HMGXB3: variants seen among roughly 807,000 people sequenced by gnomAD.
HMGXB3 encodes the protein HMG-box containing 3, also known as HMG domain-containing protein 3.
HMGXB3 carries 45 observed loss-of-function variants against 121.5 expected under a neutral mutation model. The ratio of observed to expected loss-of-function variants is 0.37; its 90% CI spans 0.29 to 0.47. The LOEUF (loss-of-function observed/expected upper bound fraction) is 0.47, where lower values mean the gene tolerates loss of function less well. Ranked by LOEUF, HMGXB3 falls within the 20% of genes least tolerant of loss-of-function variation. The pLI is 0.99. For synonymous variants in HMGXB3, 590 were observed against 624.1 expected (o/e 0.95, Z 0.81); for missense variants, 1,376 against 1,602.2 (o/e 0.86, Z 2.41).
At chr5:150,046,945 T>TTGTG (rs1756770905) in intron 16 of HMGXB3, among the ~76,000 whole-genome samples, 1 of 151,096 alleles carries the variant, frequency 6.6e-6, no homozygotes. Flanking sequence ...GAGTGCAGTG[T>TTGTG]TGTGATCTGG....
chr5:150,043,963 C>T lies in HMGXB3; in HGVS notation c.2731-1503C>T, dbSNP rs115602184. The stretch of plus-strand genomic sequence containing the variant: ...TCTGGCCACAGCAAGTTTATGGTTT[C>T]CAAGAATAGACAGAGGCCCACCTCC... On this transcript the variant is annotated intron_variant, in intron 15 of 19. Coordinates refer to ENST00000502717, the MANE Select transcript of HMGXB3 (RefSeq NM_014983.3). Among the ~76,000 whole-genome samples, 278 of 152,288 alleles carry T rather than the reference C, an allele frequency of 1.8e-3. 1 individual carries two copies. Among genetic ancestry groups the T allele is most frequent in the African/African-American group, 6.4e-3 (267 of 41,554 alleles).
At position 150,041,803 on chromosome 5, in the gene HMGXB3, AG is replaced by A; in HGVS notation, c.2566del (p.Glu856SerfsTer2). On this transcript the variant is annotated frameshift_variant, in exon 15 of 20. Coordinates refer to ENST00000502717, the MANE Select transcript of HMGXB3 (RefSeq NM_014983.3). LOFTEE classifies it high-confidence loss of function. Reference sequence around the variant, plus strand: ...CTTTCAGAGAAGACTCTGACCTCGGAGGAGCTGAGCCAGCTGCAGGAGCTGC... The same window carrying A: ...CTTTCAGAGAAGACTCTGACCTCGGAGAGCTGAGCCAGCTGCAGGAGCTGC... ...QEQTEKTLTS[E>X]ELSQLQELLC... 6.4e-7 allele frequency: 1 copy of A among 1,551,360 alleles called. No homozygotes were observed. The highest frequency in any genetic ancestry group is 8.7e-7 in the Non-Finnish European group (1 of 1,146,802).
intron 5 of HMGXB3, among the ~76,000 whole-genome samples, chr5:150,015,882 C>T (rs188033910): frequency 4.6e-5 from 7 of 152,278 alleles, no homozygotes; most frequent in South Asian, 2.1e-4. Flanking sequence ...ACTTGTCTTA[C>T]GGCCCAGAAT....
intron 15 of HMGXB3, among the ~76,000 whole-genome samples, chr5:150,045,052 C>T (rs1430779935): frequency 6.6e-6 from 1 of 152,136 alleles, no homozygotes; most frequent in African/African-American, 2.4e-5. Flanking sequence ...TGGAACTAGA[C>T]CTGTGTTGAC....
rs1008487587 is a variant in HMGXB3, at chr5:150,040,713, C to G, written c.2414-35C>G. Reference sequence around the variant, plus strand: ...CTATTTTTTGCCATTGTGTATGATACATTAATTTCCTTGTTGCCTCTTCTT... The same window carrying G: ...CTATTTTTTGCCATTGTGTATGATAGATTAATTTCCTTGTTGCCTCTTCTT... On this transcript the variant is annotated intron_variant, in intron 13 of 19. Transcript: ENST00000502717. 3 of 1,545,714 alleles carry G rather than the reference C, an allele frequency of 1.9e-6. No individual in the cohort carries two copies. In the Admixed American group the frequency reaches 6.0e-5, roughly 31 times the overall value.
chr5:150,045,449 T>C lies in HMGXB3; in HGVS notation c.2731-17T>C, dbSNP rs1425921877. On this transcript the variant is annotated splice_polypyrimidine_tract_variant and intron_variant, in intron 15 of 19. Transcript: ENST00000502717. ...TGTGACTCCCACAGTTTGACCTTCTTTATCCTGACCTTCTAGTTCACCTGG... is the reference window on the plus strand; with the variant it reads ...TGTGACTCCCACAGTTTGACCTTCTCTATCCTGACCTTCTAGTTCACCTGG... 1.3e-6 allele frequency: 2 copies of C among 1,547,678 alleles called. No homozygotes were observed. Among genetic ancestry groups the C allele is most frequent in the African/African-American group, 1.4e-5 (1 of 72,952 alleles).
chr5:150,026,394 T>C (rs574343090), intron 7 of HMGXB3, among the ~76,000 whole-genome samples: 1 of 152,376 alleles, frequency 6.6e-6, no homozygotes, highest in Non-Finnish European at 1.5e-5. Context: ...GATTAGATGT[T>C]ACAGCTATAA....
intron 6 of HMGXB3, among the ~76,000 whole-genome samples, chr5:150,023,656 G>A (rs1424248965): frequency 6.6e-6 from 1 of 152,216 alleles, no homozygotes; most frequent in East Asian, 1.9e-4. Context: ...TTTTTAGTGA[G>A]TTTGAATATT....
At chr5:150,015,691 A>G (rs12153714) in intron 5 of HMGXB3, among the ~76,000 whole-genome samples, 83,061 of 152,132 alleles carry the variant, frequency 0.55, 25,549 homozygotes, top group Non-Finnish European at 0.69. Context: ...TTTCATTTTC[A>G]TTCAATTCAA....
chr5:150,024,749 A>G (rs2113741756), intron 7 of HMGXB3, 69 bp downstream of exon 7: 1 of 1,306,324 alleles, frequency 7.7e-7, no homozygotes, highest in East Asian at 2.5e-5. Flanking sequence ...TCATGTCTGT[A>G]CAGCATGCCT....
At chr5:150,030,648 C>A in intron 9 of HMGXB3, 93 bp from the exon 10 acceptor site, 1 of 938,878 alleles carries the variant, frequency 1.1e-6, no homozygotes, top group Non-Finnish European at 1.7e-6. Context: ...ACAAATTCCC[C>A]GGGAAAGCAT....
Position 150,024,365 on chromosome 5 carries a change from C to G in HMGXB3, c.1145C>G (p.Ser382Cys). 1 of 1,551,738 alleles carries G rather than the reference C, an allele frequency of 6.4e-7. No homozygotes were observed. The highest frequency in any genetic ancestry group is 1.2e-5 in the South Asian group (1 of 84,062). ...QQPVTTEQNS[S>C]KENASKLTLE... ...CCTGTCACCACTGAGCAAAATTCCT[C>G]TAAGGAAAATGCCTCCAAACTGACT... Residue 382 changes from serine to cysteine, a missense_variant, in exon 7 of 20, where the codon TCT becomes TGT. Ser to Cys is a moderately radical substitution (Grantham distance 112). Transcript: ENST00000502717.
At chr5:150,006,874 A>T (rs1755716221) in intron 3 of HMGXB3, among the ~76,000 whole-genome samples, 1 of 152,160 alleles carries the variant, frequency 6.6e-6, no homozygotes, top group African/African-American at 2.4e-5. Context: ...TGTTTTCTGC[A>T]GTGAGCCTTA....
At chr5:150,036,301 A>G (rs1214614882) in intron 11 of HMGXB3, among the ~76,000 whole-genome samples, 1 of 152,182 alleles carries the variant, frequency 6.6e-6, no homozygotes, top group African/African-American at 2.4e-5. Flanking sequence ...TATTTGCAGA[A>G]TACATACTGC....
Position 150,041,315 on chromosome 5 carries a change from T to C in HMGXB3, c.2545+436T>C, listed in dbSNP as rs374413049. On this transcript the variant is annotated intron_variant, in intron 14 of 19. Transcript: ENST00000502717. ...ATTTGTGCTTTTCCCATCCCATTCC[T>C]ATAGGCTCCAATCCCCCTCTACCTT... Among the ~76,000 whole-genome samples, 5 of 152,326 alleles carry C rather than the reference T, an allele frequency of 3.3e-5. No homozygotes were observed. The South Asian group carries it at 1.0e-3, about 32-fold the overall frequency.
In HMGXB3 at chr5:150,019,680, G is replaced by A. The variant is rs1241928917; in HGVS notation, c.1041+983G>A. Among the ~76,000 whole-genome samples the A allele has an allele frequency of 2.0e-5, 3 of 152,294 alleles. No homozygotes were observed. The East Asian group carries it at 5.8e-4, about 29-fold the overall frequency. Reference sequence around the variant, plus strand: ...AGAGTTGAAGATTCAACAGAATTTGGGTGGGTAGAAAAGGAAAGAGAGGAC... The same window carrying A: ...AGAGTTGAAGATTCAACAGAATTTGAGTGGGTAGAAAAGGAAAGAGAGGAC... On this transcript the variant is annotated intron_variant, in intron 6 of 19. Coordinates refer to ENST00000502717, the MANE Select transcript of HMGXB3 (RefSeq NM_014983.3).
chr5:150,024,585 G>A lies in HMGXB3; in HGVS notation c.1365G>A (p.Gly455=), dbSNP rs776230317. The change falls in exon 7 of 20, where the codon GGG becomes GGA. Residue 455 remains glycine, a synonymous_variant. Transcript: ENST00000502717. Reference sequence around the variant, plus strand: ...GTGTGCAGCCTGAGGTCACTCTGGGGACAACTGACAATGACAGTCCTGGAG... The same window carrying A: ...GTGTGCAGCCTGAGGTCACTCTGGGAACAACTGACAATGACAGTCCTGGAG... ...KSGVQPEVTL[G]TTDNDSPGAD... 4.5e-6 allele frequency: 7 copies of A among 1,551,734 alleles called. No homozygotes were observed. The highest frequency in any genetic ancestry group is 6.1e-6 in the Non-Finnish European group (7 of 1,146,990).
chr5:150,037,518 A>C lies in HMGXB3; in HGVS notation c.2404A>C (p.Ile802Leu). The C allele has an allele frequency of 6.5e-7, 1 of 1,543,872 alleles. No homozygotes were observed. Among genetic ancestry groups the C allele is most frequent in the Non-Finnish European group, 8.8e-7 (1 of 1,142,092 alleles). ...HCLALHSFIDIYTGLFNVGNK... is the reference protein window; with the variant it reads ...HCLALHSFIDLYTGLFNVGNK... ...TCTGGCCCTGCACAGCTTCATAGAC[A>C]TCTACACAGGTGGGTGCCAACCTTC... is the stretch of plus-strand genomic sequence containing the variant. Residue 802 changes from isoleucine to leucine, a missense_variant, in exon 13 of 20, where the codon ATC becomes CTC. This residue lies in a region of HMGXB3 where 1,116 missense variants were observed against 1,369.0 expected (regional missense o/e 0.82). Coordinates refer to ENST00000502717, the MANE Select transcript of HMGXB3 (RefSeq NM_014983.3).
rs1356155000 is a variant in HMGXB3 at position 150,045,568 on chromosome 5, A to T, written c.2833A>T (p.Ile945Phe). The T allele has an allele frequency of 1.9e-6, 3 of 1,552,128 alleles. No homozygotes were observed. The highest frequency in any genetic ancestry group is 2.6e-6 in the Non-Finnish European group (3 of 1,147,072). ...TGAGCAGGTGGCATTTCCTGCCAGCATCCCTATCACCAAATTTGATGCGTC... is the reference window on the plus strand; with the variant it reads ...TGAGCAGGTGGCATTTCCTGCCAGCTTCCCTATCACCAAATTTGATGCGTC... ...VIEQVAFPASIPITKFDASVI... is the reference protein window; with the variant it reads ...VIEQVAFPASFPITKFDASVI... The change falls in exon 16 of 20, where the codon ATC (isoleucine) becomes TTC (phenylalanine). Residue 945 changes from isoleucine (I) to phenylalanine (F), a missense_variant. Physicochemically the swap from Ile to Phe is conservative, Grantham distance 21. Coordinates refer to ENST00000502717, the MANE Select transcript of HMGXB3 (RefSeq NM_014983.3).
Sources: gnomAD v4.1 joint callset for allele counts (sites outside exome capture counted in the v4.1 genomes callset) on GRCh38, gnomAD v4.1.1 for gene constraint, gnomAD v4.1.1 regional missense constraint, MANE v1.5 for transcripts, NCBI Gene and HGNC (gene_info 2026-07-23, HGNC 2026-07-21) for gene names.